FHIT: variants seen among roughly 807,000 people sequenced by gnomAD.
FHIT encodes fragile histidine triad diadenosine triphosphatase, also known as bis(5'-adenosyl)-triphosphatase.
FHIT carries 19 observed loss-of-function variants against 17.9 expected under a neutral mutation model. The observed-to-expected ratio is 1.06, with a 90% CI of 0.74 to 1.56. The LOEUF (loss-of-function observed/expected upper bound fraction) is 1.56, where lower values mean the gene tolerates loss of function less well. Ranked by LOEUF, FHIT falls within the 40% of genes most tolerant of loss-of-function variation. The pLI is 0.00. For missense variants in FHIT, 248 were observed against 189.2 expected (o/e 1.31, Z -1.82); for synonymous variants, 81 against 69.7 (o/e 1.16, Z -0.81).
At chr3:60,169,895 A>C (rs1191873553) in intron 5 of FHIT, among the ~76,000 whole-genome samples, 1 of 152,156 alleles carries the variant, frequency 6.6e-6, no homozygotes, top group Admixed American at 6.5e-5. Flanking sequence ...TACAGCACTA[A>C]TCTGTAAACC....
chr3:61,034,917 T>A (rs983640190), intron 3 of FHIT, among the ~76,000 whole-genome samples: 4 of 152,142 alleles, frequency 2.6e-5, no homozygotes, highest in African/African-American at 9.7e-5. Context: ...AATCAAAGGA[T>A]AAGCAAATTG....
intron 4 of FHIT, among the ~76,000 whole-genome samples, chr3:60,708,808 G>A (rs1195641208): frequency 2.6e-5 from 4 of 152,194 alleles, no homozygotes; most frequent in African/African-American, 9.6e-5. Context: ...GGACAAAAGA[G>A]TTTGGGAAAG....
intron 1 of FHIT, among the ~76,000 whole-genome samples, chr3:61,207,369 G>T (rs1292311247): frequency 6.6e-6 from 1 of 152,122 alleles, no homozygotes; most frequent in African/African-American, 2.4e-5. Context: ...TTTTTCTATT[G>T]ACTGGAATAG....
intron 3 of FHIT, among the ~76,000 whole-genome samples, chr3:60,873,416 G>A (rs781826080): frequency 7.2e-5 from 11 of 152,190 alleles, no homozygotes; most frequent in East Asian, 3.8e-4. Flanking sequence ...ACTCAGCGCC[G>A]TCCCAGGGAG....
intron 5 of FHIT, among the ~76,000 whole-genome samples, chr3:60,316,052 G>C (rs1007445699): frequency 6.6e-6 from 1 of 152,056 alleles, no homozygotes; most frequent in African/African-American, 2.4e-5. Flanking sequence ...CTACTGTCAT[G>C]AACATGACAT....
chr3:60,344,644 G>A (rs1710686527), intron 5 of FHIT, among the ~76,000 whole-genome samples: 1 of 152,258 alleles, frequency 6.6e-6, no homozygotes, highest in South Asian at 2.1e-4. Context: ...TTTTAGAGAC[G>A]CCTCCAAACT....
chr3:59,957,957 A>G (rs1014369305), intron 7 of FHIT, among the ~76,000 whole-genome samples: 1 of 152,238 alleles, frequency 6.6e-6, no homozygotes, highest in Non-Finnish European at 1.5e-5. Flanking sequence ...CATCGTTTTA[A>G]TCAACATGTC....
At chr3:61,026,176 G>C (rs2032721424) in intron 3 of FHIT, among the ~76,000 whole-genome samples, 1 of 152,064 alleles carries the variant, frequency 6.6e-6, no homozygotes, top group Non-Finnish European at 1.5e-5. Context: ...CCCACTTCAA[G>C]AAGAAGAATG....
intron 3 of FHIT, among the ~76,000 whole-genome samples, chr3:60,867,825 C>T (rs997576198): frequency 2.0e-5 from 3 of 152,118 alleles, no homozygotes; most frequent in Non-Finnish European, 4.4e-5. Context: ...CCCCTGACAA[C>T]TTTTTTTGGG....
chr3:60,754,677 G>A (rs1394918320), intron 4 of FHIT, among the ~76,000 whole-genome samples: 1 of 151,822 alleles, frequency 6.6e-6, no homozygotes, highest in East Asian at 1.9e-4. Context: ...AGAAGCTTTT[G>A]GGAGATACTC....
chr3:60,884,961 A>G (rs536702243), intron 3 of FHIT, among the ~76,000 whole-genome samples: 18 of 151,952 alleles, frequency 1.2e-4, no homozygotes, highest in Admixed American at 3.3e-4. Flanking sequence ...ACAGACAAAT[A>G]TTACATTCTC....
chr3:59,771,363 T>C (rs1368090647), intron 8 of FHIT, among the ~76,000 whole-genome samples: 1 of 152,152 alleles, frequency 6.6e-6, no homozygotes. Context: ...AGGAAAAGCA[T>C]GGGAATATGA....
chr3:59,973,723 T>C (rs1708287491), intron 7 of FHIT, among the ~76,000 whole-genome samples: 1 of 152,178 alleles, frequency 6.6e-6, no homozygotes, highest in African/African-American at 2.4e-5. Context: ...AATATTTATA[T>C]AATAGTTGCT....
intron 3 of FHIT, among the ~76,000 whole-genome samples, chr3:61,025,686 A>T (rs894160618): frequency 5.9e-5 from 9 of 152,008 alleles, no homozygotes; most frequent in African/African-American, 2.2e-4. Flanking sequence ...CAAGGAAGGG[A>T]GAAAAGTAAG....
intron 4 of FHIT, among the ~76,000 whole-genome samples, chr3:60,811,840 A>G (rs1344678157): frequency 6.6e-6 from 1 of 152,180 alleles, no homozygotes; most frequent in African/African-American, 2.4e-5. Context: ...ATATATTTCT[A>G]AGATCATTGT....
intron 4 of FHIT, among the ~76,000 whole-genome samples, chr3:60,758,356 C>G (rs1011192146): frequency 3.9e-5 from 6 of 152,312 alleles, no homozygotes; most frequent in Non-Finnish European, 5.9e-5. Flanking sequence ...TCAAATTACC[C>G]AATGTATGGA....
At chr3:60,311,117 T>C (rs2106757778) in intron 5 of FHIT, among the ~76,000 whole-genome samples, 1 of 152,312 alleles carries the variant, frequency 6.6e-6, no homozygotes, top group African/African-American at 2.4e-5. Flanking sequence ...TTCCCCTCTT[T>C]AATATAAAAT....
chr3:60,404,339 A>C (rs888696357), intron 5 of FHIT, among the ~76,000 whole-genome samples: 19 of 152,184 alleles, frequency 1.2e-4, no homozygotes, highest in African/African-American at 3.6e-4. Context: ...AAACAAACAA[A>C]AATGTGCAGT....
chr3:60,038,069 T>C (rs1196235779), intron 5 of FHIT, among the ~76,000 whole-genome samples: 1 of 152,176 alleles, frequency 6.6e-6, no homozygotes, highest in East Asian at 1.9e-4. Flanking sequence ...TTCAATGTTA[T>C]TAAATTTCAG....
Sources: allele counts gnomAD v4.1 joint callset (sites outside exome capture counted in the v4.1 genomes callset), GRCh38; gene constraint gnomAD v4.1.1; transcripts MANE v1.5; gene names NCBI Gene and HGNC (gene_info 2026-07-23, HGNC 2026-07-21).